The following TP63 variants were observed in gnomAD, a reference collection of about 807,000 sequenced individuals.
The protein encoded by TP63 is tumor protein 63.
A neutral mutation model predicts 82.8 loss-of-function variants in TP63; 17 were observed. The observed-to-expected ratio is 0.21, with a 90% CI of 0.14 to 0.31. The LOEUF (loss-of-function observed/expected upper bound fraction) is 0.31, where lower values mean the gene tolerates loss of function less well. TP63 is among the 10% of genes least tolerant of loss of function. The probability of loss-of-function intolerance (pLI) is 1.00; values close to 1 mark genes in which losing one functional copy is unlikely to be tolerated. For synonymous variants in TP63, 330 were observed against 321.7 expected, an observed-to-expected ratio of 1.03 and a Z score of -0.28; for missense variants, 648 against 895.3, an observed-to-expected ratio of 0.72 and a Z score of 3.52.
At chr3:189,815,860 C>T (rs1425751757) in intron 4 of TP63, among the ~76,000 whole-genome samples, 1 of 152,154 alleles carries the variant, frequency 6.6e-6, no homozygotes, top group African/African-American at 2.4e-5. Flanking sequence ...ATAGATTAAT[C>T]TCTTGCTGCA....
intron 3 of TP63, among the ~76,000 whole-genome samples, chr3:189,802,701 A>G (rs1162036399): frequency 6.6e-6 from 1 of 152,214 alleles, no homozygotes; most frequent in Admixed American, 6.5e-5. Flanking sequence ...ACTAGGATCC[A>G]TACAGGAGTG....
intron 4 of TP63, among the ~76,000 whole-genome samples, chr3:189,834,639 C>T (rs1410459542): frequency 6.6e-6 from 1 of 152,172 alleles, no homozygotes; most frequent in African/African-American, 2.4e-5. Context: ...AGCACTTGGG[C>T]TGTGGGTTCC....
At chr3:189,819,398 CT>C in intron 4 of TP63, among the ~76,000 whole-genome samples, 1 of 152,148 alleles carries the variant, frequency 6.6e-6, no homozygotes, top group Middle Eastern at 3.4e-3. Flanking sequence ...CACCCATTAA[CT>C]TGTCATTTAG....
chr3:189,746,337 A>G (rs180720071), intron 3 of TP63, among the ~76,000 whole-genome samples: 266 of 152,174 alleles, frequency 1.7e-3, no homozygotes, highest in African/African-American at 6.2e-3. Flanking sequence ...ATTAATGAAG[A>G]AGATATAATA....
chr3:189,606,093 C>T, the TP63 span, among the ~76,000 whole-genome samples: 28 of 152,320 alleles, frequency 1.8e-4, no homozygotes, highest in Non-Finnish European at 1.9e-4. Context: ...AACCTAACCA[C>T]ATGGTAGAGG....
chr3:189,819,911 C>A (rs969767348), intron 4 of TP63, among the ~76,000 whole-genome samples: 1 of 151,904 alleles, frequency 6.6e-6, no homozygotes, highest in Non-Finnish European at 1.5e-5. Flanking sequence ...ACTCCATGCC[C>A]AGCTAATTTT....
chr3:189,772,064 A>G (rs188350601), intron 3 of TP63, among the ~76,000 whole-genome samples: 6 of 152,324 alleles, frequency 3.9e-5, no homozygotes, highest in African/African-American at 9.6e-5. Context: ...AGTTAAATAA[A>G]CAAACCATTA....
chr3:189,761,977 C>T (rs1239696011), intron 3 of TP63, among the ~76,000 whole-genome samples: 1 of 152,116 alleles, frequency 6.6e-6, no homozygotes, highest in Non-Finnish European at 1.5e-5. Flanking sequence ...AGACCTGCTC[C>T]CATGATTTAA....
upstream of TP63, among the ~76,000 whole-genome samples, chr3:189,627,281 G>A (rs1285330899): frequency 6.6e-6 from 1 of 152,142 alleles, no homozygotes; most frequent in Non-Finnish European, 1.5e-5. Flanking sequence ...CCATAATTGT[G>A]TATCTAAGAC....
the TP63 span, among the ~76,000 whole-genome samples, chr3:189,610,970 A>T: frequency 8.5e-5 from 13 of 152,110 alleles, no homozygotes; most frequent in Non-Finnish European, 1.6e-4. Flanking sequence ...ATCTCCTGAG[A>T]CTTATTTGCT....
chr3:189,681,491 G>A (rs892294218), intron 1 of TP63, among the ~76,000 whole-genome samples: 6 of 152,124 alleles, frequency 3.9e-5, no homozygotes, highest in African/African-American at 1.4e-4. Context: ...TTGCATCTTA[G>A]CATGATTTCT....
intron 1 of TP63, among the ~76,000 whole-genome samples, chr3:189,659,388 C>A (rs62291706): frequency 1.3e-5 from 2 of 152,114 alleles, no homozygotes; most frequent in East Asian, 3.9e-4. Flanking sequence ...AAGATGATTT[C>A]ATTCTCTTTT....
rs143862506 is a variant in TP63 at position 189,696,418 on chromosome 3, G to A, written c.63-41322G>A. Among the ~76,000 whole-genome samples, 777 of 152,114 alleles carry A rather than the reference G, an allele frequency of 5.1e-3. 15 individuals are homozygous for A. The highest frequency in any genetic ancestry group is 0.017 in the Admixed American group (263 of 15,282). On this transcript the variant is annotated intron_variant, in intron 1 of 13. Transcript: ENST00000264731. ...TATTGCTGAAAATATTCCATAGTATGGATATACCACAACGTATTCATTCAC... is the reference window on the plus strand; with the variant it reads ...TATTGCTGAAAATATTCCATAGTATAGATATACCACAACGTATTCATTCAC...
intron 3 of TP63, among the ~76,000 whole-genome samples, chr3:189,757,508 C>T (rs1272982049): frequency 1.3e-5 from 2 of 152,188 alleles, no homozygotes; most frequent in Non-Finnish European, 2.9e-5. Context: ...TGCCTGTGGC[C>T]AGTCCTCAGT....
At chr3:189,700,019 G>C (rs1717683521) in intron 1 of TP63, among the ~76,000 whole-genome samples, 1 of 152,172 alleles carries the variant, frequency 6.6e-6, no homozygotes, top group Non-Finnish European at 1.5e-5. Flanking sequence ...ACACTGGTCT[G>C]ACTGCAGTGC....
chr3:189,876,765 A>G (rs1251919977), intron 10 of TP63, among the ~76,000 whole-genome samples: 1 of 152,134 alleles, frequency 6.6e-6, no homozygotes, highest in African/African-American at 2.4e-5. Flanking sequence ...TTTTCATGCA[A>G]ATCTCCAAGA....
chr3:189,635,573 C>T (rs1431543835), intron 1 of TP63, among the ~76,000 whole-genome samples: 1 of 152,016 alleles, frequency 6.6e-6, no homozygotes, highest in Non-Finnish European at 1.5e-5. Flanking sequence ...CTGGCTGACT[C>T]CCTGTTGGTT....
At chr3:189,697,168 A>G (rs1020311961) in intron 1 of TP63, among the ~76,000 whole-genome samples, 4 of 149,088 alleles carry the variant, frequency 2.7e-5, no homozygotes, top group African/African-American at 4.9e-5. Context: ...AAATTTTTAC[A>G]TTGAGTTCTA....
rs571128087 is a variant in TP63, at chr3:189,683,386, G to A, written c.62+51809G>A. Reference sequence around the variant, plus strand: ...TGGCAGAGCTAAAATAAAGCCACATGCATTTCACTTTGCTGCCTTGTGAAG... The same window carrying A: ...TGGCAGAGCTAAAATAAAGCCACATACATTTCACTTTGCTGCCTTGTGAAG... On this transcript the variant is annotated intron_variant, in intron 1 of 13. Transcript: ENST00000264731. Among the ~76,000 whole-genome samples, 8 of 152,280 alleles carry A rather than the reference G, an allele frequency of 5.3e-5. No individual in the cohort carries two copies. In the South Asian group the frequency reaches 6.2e-4, roughly 12 times the overall value.
Sources: allele counts gnomAD v4.1 joint callset (sites outside exome capture counted in the v4.1 genomes callset), GRCh38; gene constraint gnomAD v4.1.1; transcripts MANE v1.5; gene names NCBI Gene and HGNC (gene_info 2026-07-23, HGNC 2026-07-21).